RBFOX1: variants seen among roughly 807,000 people sequenced by gnomAD.
The protein encoded by RBFOX1 is RNA binding fox-1 homolog 1, also known as RNA binding protein fox-1 homolog 1.
Under a neutral mutation model 57.7 loss-of-function variants are expected in RBFOX1, and 8 were observed. The observed-to-expected ratio is 0.14, with a 90% confidence interval of 0.08 to 0.25. The LOEUF is 0.25. Among genes scored for constraint, RBFOX1 ranks in the 10% least tolerant of loss-of-function variants. The probability of loss-of-function intolerance (pLI) is 1.00; values close to 1 mark genes in which losing one functional copy is unlikely to be tolerated. For synonymous variants in RBFOX1, 326 were observed against 222.4 expected (o/e 1.47, Z -4.15); for missense variants, 611 against 548.5 (o/e 1.11, Z -1.14).
intron 3 of RBFOX1, among the ~76,000 whole-genome samples, chr16:6,921,256 C>G (rs192624105): frequency 2.0e-4 from 30 of 152,298 alleles, no homozygotes; most frequent in African/African-American, 7.2e-4. Flanking sequence ...TTTGTTTTCT[C>G]ACAATGTCTA....
chr16:6,743,393 A>G (rs1843205226), intron 3 of RBFOX1, among the ~76,000 whole-genome samples: 1 of 152,200 alleles, frequency 6.6e-6, no homozygotes, highest in Non-Finnish European at 1.5e-5. Flanking sequence ...CTTAATAAAA[A>G]TAAGATCAAA....
At chr16:7,119,702 C>G (rs1327425492) in intron 4 of RBFOX1, among the ~76,000 whole-genome samples, 2 of 152,004 alleles carry the variant, frequency 1.3e-5, no homozygotes, top group East Asian at 3.9e-4. Context: ...AACTATGGGA[C>G]TTTTAAAATA....
At chr16:5,891,636 C>G (rs917492819) in intron 4 of RBFOX1, among the ~76,000 whole-genome samples, 1 of 152,090 alleles carries the variant, frequency 6.6e-6, no homozygotes, top group African/African-American at 2.4e-5. Flanking sequence ...CCAGGAAGCT[C>G]CGAGGGAATC....
chr16:6,178,241 C>T (rs1183433459), intron 1 of RBFOX1, among the ~76,000 whole-genome samples: 1 of 123,974 alleles, frequency 8.1e-6, no homozygotes, highest in Non-Finnish European at 1.6e-5. Flanking sequence ...GGCTGGAGTA[C>T]AGTGGTGAGA....
intron 1 of RBFOX1, among the ~76,000 whole-genome samples, chr16:5,251,993 C>G (rs1312113585): frequency 1.3e-5 from 2 of 152,190 alleles, no homozygotes; most frequent in African/African-American, 4.8e-5. Context: ...GCTGTGTATT[C>G]TAGGCCTGAG....
chr16:7,480,036 C>A (rs911160112), intron 4 of RBFOX1, among the ~76,000 whole-genome samples: 2 of 152,178 alleles, frequency 1.3e-5, no homozygotes, highest in African/African-American at 2.4e-5. Flanking sequence ...TGTCCATGTG[C>A]TGACTCAGTA....
intron 3 of RBFOX1, among the ~76,000 whole-genome samples, chr16:6,790,429 C>T (rs2082723253): frequency 1.3e-5 from 2 of 152,184 alleles, no homozygotes; most frequent in South Asian, 2.1e-4. Context: ...AGGTGATCTA[C>T]CCACCTCGGC....
intron 4 of RBFOX1, among the ~76,000 whole-genome samples, chr16:7,200,413 G>A (rs7187489): frequency 2.1e-3 from 318 of 152,124 alleles, no homozygotes; most frequent in African/African-American, 7.1e-3. Context: ...ACCCACAACT[G>A]TGCTCTCTCC....
intron 4 of RBFOX1, among the ~76,000 whole-genome samples, chr16:7,101,512 C>T (rs903810891): frequency 6.6e-6 from 1 of 151,908 alleles, no homozygotes; most frequent in Admixed American, 6.6e-5. Context: ...ACCGGCTGTA[C>T]CAAAGTGTAT....
intron 13 of RBFOX1, among the ~76,000 whole-genome samples, chr16:7,674,615 C>T (rs932763502): frequency 4.6e-5 from 7 of 152,264 alleles, no homozygotes; most frequent in African/African-American, 9.6e-5. Flanking sequence ...GACTTGTGCC[C>T]GTCTTGTCTG....
intron 4 of RBFOX1, among the ~76,000 whole-genome samples, chr16:6,010,348 G>T (rs1370874957): frequency 6.6e-6 from 1 of 152,158 alleles, no homozygotes; most frequent in African/African-American, 2.4e-5. Flanking sequence ...CTTGCCCCGG[G>T]GTGGGGTTGG....
At chr16:5,598,178 G>C (rs2047249501) in intron 2 of RBFOX1, among the ~76,000 whole-genome samples, 1 of 151,544 alleles carries the variant, frequency 6.6e-6, no homozygotes, top group Admixed American at 6.6e-5. Context: ...GGTGCCTATA[G>C]TCCCAGCAAC....
At chr16:6,787,108 G>A (rs187786535) in intron 3 of RBFOX1, among the ~76,000 whole-genome samples, 129 of 152,246 alleles carry the variant, frequency 8.5e-4, no homozygotes, top group Non-Finnish European at 1.5e-3. Context: ...TCACCGAAAT[G>A]CAATGATTTC....
chr16:6,406,095 GC>G (rs2093271418), intron 2 of RBFOX1, among the ~76,000 whole-genome samples: 1 of 152,190 alleles, frequency 6.6e-6, no homozygotes, highest in African/African-American at 2.4e-5. Flanking sequence ...CAGCCTGAAT[GC>G]TTCTCTAAAC....
chr16:6,569,268 C>T (rs1014784633), intron 2 of RBFOX1, among the ~76,000 whole-genome samples: 2 of 152,172 alleles, frequency 1.3e-5, no homozygotes, highest in Admixed American at 1.3e-4. Context: ...CCTCTCAAAA[C>T]AACAAACATT....
chr16:6,039,009 C>CAAAAA (rs754708262), intron 1 of RBFOX1: 2 of 47,760 alleles, frequency 4.2e-5, no homozygotes, highest in East Asian at 1.2e-3. Flanking sequence ...TGCTGGTTTG[C>CAAAAA]AAAAAAAAAA....
intron 3 of RBFOX1, among the ~76,000 whole-genome samples, chr16:5,807,185 A>G (rs898773503): frequency 6.6e-6 from 1 of 152,206 alleles, no homozygotes; most frequent in Non-Finnish European, 1.5e-5. Context: ...TTTTTCCACC[A>G]TGATGGAACC....
At chr16:5,913,017 A>T (rs2096427731) in intron 4 of RBFOX1, among the ~76,000 whole-genome samples, 1 of 152,190 alleles carries the variant, frequency 6.6e-6, no homozygotes, top group African/African-American at 2.4e-5. Context: ...CAGAAGACCC[A>T]AGTCTAAGTT....
rs930584284 is a variant in RBFOX1, at chr16:7,618,067, C to T, written c.676+10729C>T. On this transcript the variant is annotated intron_variant, in intron 10 of 15. Coordinates refer to ENST00000550418, the MANE Select transcript of RBFOX1 (RefSeq NM_018723.4). ...TACCTACTGATGGGAATTTCTGAGC[C>T]AAGTTGACGTTTTTTCCAAAGGCTA... 3.9e-5 allele frequency among the ~76,000 whole-genome samples: 6 copies of T among 151,950 alleles called. No individual in the cohort carries two copies. The South Asian group carries it at 1.2e-3, about 32-fold the overall frequency.
Sources: gnomAD v4.1 joint callset for allele counts (sites outside exome capture counted in the v4.1 genomes callset) on GRCh38, gnomAD v4.1.1 for gene constraint, MANE v1.5 for transcripts, NCBI Gene and HGNC (gene_info 2026-07-23, HGNC 2026-07-21) for gene names.